The following DNAJC24 variants were observed in gnomAD, a reference collection of about 807,000 sequenced individuals.
The protein encoded by DNAJC24 is DnaJ heat shock protein family (Hsp40) member C24.
In DNAJC24, 17 loss-of-function variants were observed where a neutral mutation model predicts 18.0. That is an observed-to-expected ratio of 0.94 (90% CI 0.65 to 1.42). The LOEUF (loss-of-function observed/expected upper bound fraction) is 1.42. DNAJC24 is among the 40% of genes most tolerant of loss of function. The pLI, the probability that DNAJC24 is intolerant of heterozygous loss-of-function variation, is 0.00. For synonymous variants in DNAJC24, 55 were observed against 57.7 expected, an observed-to-expected ratio of 0.95 and a Z score of 0.21; for missense variants, 158 against 175.6, an observed-to-expected ratio of 0.90 and a Z score of 0.57.
Position 31,376,759 on chromosome 11 carries a change from C to A in DNAJC24, c.111+5900C>A, listed in dbSNP as rs530576795. Among the ~76,000 whole-genome samples the A allele has an allele frequency of 1.7e-4, 26 of 152,102 alleles. 1 individual carries two copies. The South Asian group carries it at 5.0e-3, about 29-fold the overall frequency. On this transcript the variant is annotated intron_variant, in intron 2 of 4. Coordinates refer to ENST00000465995, the MANE Select transcript of DNAJC24 (RefSeq NM_181706.5). ...TTAAAGGCATAATTTTTATTTTTTTCTGGATTTCCATAGAACACCTCATTT... is the reference window on the plus strand; with the variant it reads ...TTAAAGGCATAATTTTTATTTTTTTATGGATTTCCATAGAACACCTCATTT...
chr11:31,413,484 C>A (rs1008951775), intron 2 of DNAJC24, among the ~76,000 whole-genome samples: 4 of 151,890 alleles, frequency 2.6e-5, no homozygotes, highest in African/African-American at 9.7e-5. Flanking sequence ...GCGCCCACCA[C>A]CACACCTGGC....
intron 2 of DNAJC24, among the ~76,000 whole-genome samples, chr11:31,393,914 G>A (rs1399993404): frequency 6.6e-6 from 1 of 151,786 alleles, no homozygotes; most frequent in East Asian, 1.9e-4. Flanking sequence ...GATCCTAGGG[G>A]AAATGTAGGG....
At chr11:31,392,615 C>A (rs2133479320) in intron 2 of DNAJC24, among the ~76,000 whole-genome samples, 1 of 152,066 alleles carries the variant, frequency 6.6e-6, no homozygotes, top group South Asian at 2.1e-4. Flanking sequence ...TGAGGCAGGG[C>A]CTTTCAAGGG....
chr11:31,382,455 T>G (rs1952385822), intron 2 of DNAJC24, among the ~76,000 whole-genome samples: 1 of 152,200 alleles, frequency 6.6e-6, no homozygotes, highest in African/African-American at 2.4e-5. Context: ...AAGATGCATT[T>G]AAAGAATCAT....
At chr11:31,402,985 G>GCAT (rs1337713080) in intron 2 of DNAJC24, among the ~76,000 whole-genome samples, 1 of 152,160 alleles carries the variant, frequency 6.6e-6, no homozygotes, top group Non-Finnish European at 1.5e-5. Context: ...ATTGACTGCA[G>GCAT]CATCGTTATC....
At chr11:31,408,844 T>G (rs1423804079) in intron 2 of DNAJC24, among the ~76,000 whole-genome samples, 2 of 152,216 alleles carry the variant, frequency 1.3e-5, no homozygotes, top group Non-Finnish European at 2.9e-5. Flanking sequence ...AGGTGTGAAG[T>G]CATTTCAGAG....
At chr11:31,389,642 C>T (rs1331514221) in intron 2 of DNAJC24, among the ~76,000 whole-genome samples, 1 of 152,148 alleles carries the variant, frequency 6.6e-6, no homozygotes, top group Non-Finnish European at 1.5e-5. Context: ...TAATCAGCAC[C>T]TATAGACCAA....
intron 2 of DNAJC24, among the ~76,000 whole-genome samples, chr11:31,400,866 A>G (rs548712867): frequency 6.6e-6 from 1 of 152,358 alleles, no homozygotes; most frequent in Admixed American, 6.5e-5. Context: ...ACACAAGCCA[A>G]AATTGACAAA....
chr11:31,370,948 A>T, intron 2 of DNAJC24, 89 bp downstream of exon 2: 1 of 713,100 alleles, frequency 1.4e-6, no homozygotes, highest in Non-Finnish European at 2.3e-6. Context: ...AGAAAATAGG[A>T]TACCAGTGGC....
chr11:31,374,021 A>G, intron 2 of DNAJC24: 1 of 314,948 alleles, frequency 3.2e-6, no homozygotes, highest in Non-Finnish European at 6.7e-6. Context: ...CTGCCAACAC[A>G]ATTATGTCAT....
intron 2 of DNAJC24, among the ~76,000 whole-genome samples, chr11:31,405,056 A>C (rs1952641987): frequency 6.7e-6 from 1 of 148,618 alleles, no homozygotes; most frequent in African/African-American, 2.5e-5. Context: ...AGAAAGCGGC[A>C]TTAGGAATTC....
At chr11:31,372,069 C>T (rs1348372454) in intron 2 of DNAJC24, among the ~76,000 whole-genome samples, 3 of 151,750 alleles carry the variant, frequency 2.0e-5, no homozygotes, top group Admixed American at 1.3e-4. Context: ...GTGATCCTCC[C>T]GCCTCAGCCT....
In DNAJC24 at chr11:31,376,049, TGGGGTGGCGAGGAGGGGG is replaced by T. The variant is rs1371032696; in HGVS notation, c.111+5191_111+5208del. ...GACCCAGTGGGAGATAATTGAATCA[TGGGGTGGCGAGGAGGGGG>T]TTCCCCCATATTGTTCTCCTCATGG... is the stretch of plus-strand genomic sequence containing the variant. On this transcript the variant is annotated intron_variant, in intron 2 of 4. Transcript: ENST00000465995. Among the ~76,000 whole-genome samples the T allele has an allele frequency of 3.1e-4, 45 of 145,712 alleles. 14 individuals carry two copies. The highest frequency in any genetic ancestry group is 6.0e-4 in the Non-Finnish European group (39 of 64,762).
At position 31,430,916 on chromosome 11, in the gene DNAJC24, G is replaced by A. The variant is rs1284980056; in HGVS notation, c.*515G>A. On this transcript the variant is annotated 3_prime_UTR_variant, in exon 5 of 5. Transcript: ENST00000465995. The stretch of plus-strand genomic sequence containing the variant: ...TTTCAAAGTTAATAAAGACAAAGTG[G>A]CAACTGTAGAAAGTGTTGCCTCCAA... 6.6e-6 allele frequency: 1 copy of A among 152,540 alleles called. No individual in the cohort carries two copies. The highest frequency in any genetic ancestry group is 6.5e-5 in the Admixed American group (1 of 15,276). The allele number at this position is 152,540 out of a possible 1,614,324, so 9.4% of individuals were successfully genotyped here. A position where few individuals can be genotyped will look rare whatever the true frequency, so the allele number is the denominator to read the frequency against.
chr11:31,429,516 A>G (rs1434281672), intron 4 of DNAJC24: 1 of 395,960 alleles, frequency 2.5e-6, no homozygotes, highest in Non-Finnish European at 5.4e-6. Context: ...GGAATGACCA[A>G]TGGATCAGAG....
chr11:31,386,232 G>A (rs189619290), intron 2 of DNAJC24, among the ~76,000 whole-genome samples: 2 of 151,992 alleles, frequency 1.3e-5, no homozygotes, highest in Admixed American at 1.3e-4. Flanking sequence ...CAGTTGACTT[G>A]GGGTCCACGT....
At chr11:31,380,757 T>G (rs2133470131) in intron 2 of DNAJC24, among the ~76,000 whole-genome samples, 1 of 152,294 alleles carries the variant, frequency 6.6e-6, no homozygotes, top group African/African-American at 2.4e-5. Flanking sequence ...ATCAACACCA[T>G]ATCAAGATAT....
At position 31,372,672 on chromosome 11, in the gene DNAJC24, C is replaced by T. The variant is rs1017043610; in HGVS notation, c.111+1813C>T. On this transcript the variant is annotated intron_variant, in intron 2 of 4. Coordinates refer to ENST00000465995, the MANE Select transcript of DNAJC24 (RefSeq NM_181706.5). ...CTGTCAAACAGCAAAGTAGGTAAAT[C>T]ATTTCACATATGCGCTAACAATGTA... Among the ~76,000 whole-genome samples, 3 of 135,678 alleles carry T rather than the reference C, an allele frequency of 2.2e-5. 1 individual carries two copies. Among genetic ancestry groups the T allele is most frequent in the Non-Finnish European group, 5.1e-5 (3 of 58,612 alleles). 89.0% of individuals were successfully genotyped at this position (135,678 alleles called of 152,430 possible). A position where few individuals can be genotyped will look rare whatever the true frequency, so the allele number is the denominator to read the frequency against.
At position 31,414,956 on chromosome 11, in the gene DNAJC24, G is replaced by A. The variant is rs770285026; in HGVS notation, c.250+7G>A. The A allele has an allele frequency of 3.1e-6, 5 of 1,611,774 alleles. No individual in the cohort carries two copies. On this transcript the variant is annotated splice_region_variant and intron_variant, in intron 3 of 4. Coordinates refer to ENST00000465995, the MANE Select transcript of DNAJC24 (RefSeq NM_181706.5). Reference sequence around the variant, plus strand: ...TATGACCTGCAGCGGTGTGGTAGGTGCTTGTGTTGAGGAGCCACAGCACAT... The same window carrying A: ...TATGACCTGCAGCGGTGTGGTAGGTACTTGTGTTGAGGAGCCACAGCACAT...
Sources: gnomAD v4.1 joint callset for allele counts (sites outside exome capture counted in the v4.1 genomes callset) on GRCh38, gnomAD v4.1.1 for gene constraint, MANE v1.5 for transcripts, NCBI Gene and HGNC (gene_info 2026-07-23, HGNC 2026-07-21) for gene names.